Variants in RSU1 observed in about 807,000 individuals in gnomAD.
RSU1 encodes the protein Ras suppressor protein 1, also known as rsu-1.
In RSU1, 26 loss-of-function variants were observed where a neutral mutation model predicts 31.1. The ratio of observed to expected loss-of-function variants is 0.84; its 90% CI spans 0.61 to 1.16. The LOEUF (loss-of-function observed/expected upper bound fraction) is 1.16, where lower values mean the gene tolerates loss of function less well. Among genes scored for constraint, RSU1 ranks in the 50% most tolerant of loss-of-function variants. RSU1 has a pLI of 0.00. For synonymous variants in RSU1, 164 were observed against 136.3 expected (o/e 1.20, Z -1.41); for missense variants, 320 against 339.1 (o/e 0.94, Z 0.44).
At chr10:16,789,190 A>G (rs11254187) in intron 2 of RSU1, among the ~76,000 whole-genome samples, 48,593 of 152,092 alleles carry the variant, frequency 0.32, 9,341 homozygotes, top group African/African-American at 0.55. Flanking sequence ...AGAAACTAAA[A>G]AAGTTTAAAA....
intron 8 of RSU1, among the ~76,000 whole-genome samples, chr10:16,672,087 A>G (rs191876112): frequency 6.7e-6 from 1 of 149,580 alleles, no homozygotes; most frequent in African/African-American, 2.5e-5. Flanking sequence ...TCATGAGGTC[A>G]GGAGACTGAG....
intron 7 of RSU1, among the ~76,000 whole-genome samples, chr10:16,736,541 T>A (rs575284994): frequency 6.6e-6 from 1 of 151,948 alleles, no homozygotes; most frequent in Non-Finnish European, 1.5e-5. Flanking sequence ...CCTGCTAGAA[T>A]GAAACCCAAC....
chr10:16,712,606 T>G (rs962409809), intron 7 of RSU1, among the ~76,000 whole-genome samples: 1 of 152,226 alleles, frequency 6.6e-6, no homozygotes, highest in Non-Finnish European at 1.5e-5. Flanking sequence ...TATTCTAGAC[T>G]TAACCCCATA....
intron 2 of RSU1, among the ~76,000 whole-genome samples, chr10:16,801,306 A>G (rs183126135): frequency 1.3e-5 from 2 of 152,326 alleles, no homozygotes; most frequent in Non-Finnish European, 2.9e-5. Context: ...AGGGTATTAC[A>G]TGACGATTAA....
chr10:16,675,727 A>T (rs1298859216), intron 8 of RSU1, among the ~76,000 whole-genome samples: 2 of 152,250 alleles, frequency 1.3e-5, no homozygotes, highest in Non-Finnish European at 2.9e-5. Flanking sequence ...AATGGAGAAC[A>T]TCAACATGAA....
chr10:16,602,406 T>C lies in RSU1; in HGVS notation c.732-8910A>G, dbSNP rs536872863. Among the ~76,000 whole-genome samples, 146 of 152,176 alleles carry C rather than the reference T, an allele frequency of 9.6e-4. 1 individual carries two copies. The highest frequency in any genetic ancestry group is 1.5e-3 in the Non-Finnish European group (102 of 68,042). ...ATCATTATTTGTCAGATGAGGAAAT[T>C]GAGGCTTAGCAGCTTGAGGCTCCGA... On this transcript the variant is annotated intron_variant, in intron 8 of 8. Transcript: ENST00000345264.
Position 16,725,499 on chromosome 10 carries a change from A to C in RSU1, c.598+27040T>G, listed in dbSNP as rs143895891. On this transcript the variant is annotated intron_variant, in intron 7 of 8. Coordinates refer to ENST00000345264, the MANE Select transcript of RSU1 (RefSeq NM_012425.4). Reference sequence around the variant, plus strand: ...CTTAATTATCAACGAAAGCATCTTGAGCGGGGGGCCTTCAGGAGGTGATTA... The same window carrying C: ...CTTAATTATCAACGAAAGCATCTTGCGCGGGGGGCCTTCAGGAGGTGATTA... Among the ~76,000 whole-genome samples the C allele has an allele frequency of 1.8e-3, 277 of 152,110 alleles. 11 individuals carry two copies. The East Asian group carries it at 0.036, about 20-fold the overall frequency.
In RSU1 at chr10:16,593,396, A is replaced by G; in HGVS notation, c.832T>C (p.Ter278GlnextTer56). The change falls in exon 9 of 9, where the codon TAA becomes CAA. Residue 278 changes from the stop codon to glutamine, a stop_lost. Coordinates refer to ENST00000345264, the MANE Select transcript of RSU1 (RefSeq NM_012425.4). Reference protein sequence around the residue: ...SRKPLAAKNR* With the variant: ...SRKPLAAKNRQ ...GCCAGCCGATGCCAATCCCTTCCTT[A>G]TCTGTTCTTGGCTGCCAGGGGTTTC... 1 of 1,614,142 alleles carries G rather than the reference A, an allele frequency of 6.2e-7. No individual in the cohort carries two copies. Among genetic ancestry groups the G allele is most frequent in the Non-Finnish European group, 8.5e-7 (1 of 1,179,990 alleles).
chr10:16,792,148 A>C (rs1837931648), intron 2 of RSU1, among the ~76,000 whole-genome samples: 1 of 152,174 alleles, frequency 6.6e-6, no homozygotes, highest in Non-Finnish European at 1.5e-5. Flanking sequence ...GGTCATAAAA[A>C]CTAGACTGCA....
intron 8 of RSU1, among the ~76,000 whole-genome samples, chr10:16,662,239 CAA>C (rs1013854452): frequency 8.5e-5 from 13 of 152,174 alleles, no homozygotes; most frequent in African/African-American, 2.9e-4. Context: ...TTTTACAAGA[CAA>C]AGAATTTTCA....
chr10:16,659,301 C>CTTTTTTTTTTTTTTT (rs869035739), intron 8 of RSU1, among the ~76,000 whole-genome samples: 1 of 100,788 alleles, frequency 9.9e-6, no homozygotes, highest in Non-Finnish European at 2.1e-5. Flanking sequence ...AGGTTATATT[C>CTTTTTTTTTTTTTTT]TTTTTTTTTT....
chr10:16,674,166 C>G (rs535316341), intron 8 of RSU1, among the ~76,000 whole-genome samples: 71 of 152,284 alleles, frequency 4.7e-4, no homozygotes, highest in African/African-American at 1.7e-3. Flanking sequence ...TCCCCTCCCC[C>G]TGGCCCCCGA....
At chr10:16,694,873 C>G (rs1835641091) in intron 8 of RSU1, 150 bp downstream of exon 8, 5 of 718,824 alleles carry the variant, frequency 7.0e-6, no homozygotes, top group Middle Eastern at 4.1e-4. Context: ...CACACCACAC[C>G]TGGCCGACAT....
At chr10:16,651,556 A>G (rs1834684101) in intron 8 of RSU1, among the ~76,000 whole-genome samples, 1 of 152,264 alleles carries the variant, frequency 6.6e-6, no homozygotes. Context: ...ATTTACAGCA[A>G]ATAGTGACAG....
chr10:16,689,315 G>A (rs1037625438), intron 8 of RSU1, among the ~76,000 whole-genome samples: 2 of 152,168 alleles, frequency 1.3e-5, no homozygotes, highest in African/African-American at 4.8e-5. Flanking sequence ...TTCCTACAGT[G>A]AAGGGCTGTT....
At chr10:16,654,380 A>AAAAAAAAG (rs1834736230) in intron 8 of RSU1, among the ~76,000 whole-genome samples, 1 of 139,230 alleles carries the variant, frequency 7.2e-6, no homozygotes, top group Admixed American at 7.1e-5. Context: ...AAAAAAAAAA[A>AAAAAAAAG]GGAAATTGGC....
chr10:16,764,858 T>C (rs1190066842), intron 3 of RSU1, among the ~76,000 whole-genome samples: 1 of 152,050 alleles, frequency 6.6e-6, no homozygotes, highest in East Asian at 1.9e-4. Flanking sequence ...CTTATGGTTG[T>C]CATATACGAT....
At chr10:16,744,501 T>G (rs1836810860) in intron 7 of RSU1, among the ~76,000 whole-genome samples, 1 of 152,178 alleles carries the variant, frequency 6.6e-6, no homozygotes, top group Admixed American at 6.5e-5. Context: ...GAGAGGTAGT[T>G]TAAGATCTTA....
chr10:16,667,011 A>G (rs1835003500), intron 8 of RSU1, among the ~76,000 whole-genome samples: 1 of 151,056 alleles, frequency 6.6e-6, no homozygotes, highest in African/African-American at 2.4e-5. Flanking sequence ...AAAAAACCAA[A>G]CCAAAACAAA....
Sources: allele counts gnomAD v4.1 joint callset (sites outside exome capture counted in the v4.1 genomes callset), GRCh38; gene constraint gnomAD v4.1.1; transcripts MANE v1.5; gene names NCBI Gene and HGNC (gene_info 2026-07-23, HGNC 2026-07-21).